The following PTPRM variants were observed in gnomAD, a reference collection of about 807,000 sequenced individuals.
PTPRM encodes protein tyrosine phosphatase receptor type M, also known as receptor-type tyrosine-protein phosphatase mu.
PTPRM carries 47 observed loss-of-function variants against 186.7 expected under a neutral mutation model. The observed-to-expected ratio is 0.25, with a 90% CI of 0.20 to 0.32. PTPRM has a LOEUF of 0.32. PTPRM is among the 10% of genes least tolerant of loss of function. The pLI is 1.00. For missense variants in PTPRM, 1,494 were observed against 1,865.0 expected, an observed-to-expected ratio of 0.80 and a Z score of 3.66; for synonymous variants, 668 against 674.9, an observed-to-expected ratio of 0.99 and a Z score of 0.16.
At chr18:8,237,960 A>AT (rs985848014) in intron 14 of PTPRM, among the ~76,000 whole-genome samples, 12 of 151,696 alleles carry the variant, frequency 7.9e-5, no homozygotes, top group African/African-American at 2.4e-5. Context: ...CCCCCCTTGG[A>AT]TTTTTTTTAA....
At chr18:8,147,340 G>A (rs2092908987) in intron 14 of PTPRM, among the ~76,000 whole-genome samples, 1 of 152,132 alleles carries the variant, frequency 6.6e-6, no homozygotes, top group Non-Finnish European at 1.5e-5. Flanking sequence ...GTGGTTTGTA[G>A]TTATCCTTGA....
chr18:7,998,600 C>T (rs1435408672), intron 7 of PTPRM, among the ~76,000 whole-genome samples: 2 of 151,998 alleles, frequency 1.3e-5, no homozygotes. Flanking sequence ...AAAGAATATT[C>T]ATATAGTGAA....
intron 1 of PTPRM, among the ~76,000 whole-genome samples, chr18:7,691,516 C>T (rs73389595): frequency 0.045 from 6,778 of 152,158 alleles, 531 homozygotes; most frequent in African/African-American, 0.15. Flanking sequence ...GGTGCCTTTT[C>T]TTTCTGGGAT....
intron 6 of PTPRM, among the ~76,000 whole-genome samples, chr18:7,950,584 G>A (rs939879945): frequency 6.6e-6 from 1 of 152,148 alleles, no homozygotes; most frequent in Non-Finnish European, 1.5e-5. Context: ...GTAGATATCA[G>A]ATAATAATGT....
At chr18:8,088,691 T>C (rs1007560543) in intron 10 of PTPRM, 58 bp from the exon 11 acceptor site, 3 of 1,385,668 alleles carry the variant, frequency 2.2e-6, no homozygotes, top group African/African-American at 1.4e-5. Context: ...AAGTGGAAAC[T>C]AAACTGAGAA....
intron 20 of PTPRM, among the ~76,000 whole-genome samples, chr18:8,308,193 G>A (rs1601738679): frequency 6.6e-6 from 1 of 152,170 alleles, no homozygotes; most frequent in East Asian, 1.9e-4. Context: ...AACAGAAGAG[G>A]TTCAGAGAGC....
At chr18:7,603,554 T>A in intron 1 of PTPRM, among the ~76,000 whole-genome samples, 1 of 152,212 alleles carries the variant, frequency 6.6e-6, no homozygotes, top group Non-Finnish European at 1.5e-5. Flanking sequence ...GGTGGGCAGA[T>A]CCTGAGTGAT....
intron 2 of PTPRM, among the ~76,000 whole-genome samples, chr18:7,857,505 A>C (rs949250882): frequency 1.3e-5 from 2 of 152,182 alleles, no homozygotes; most frequent in African/African-American, 4.8e-5. Flanking sequence ...CAAATGCATG[A>C]TGATTTGCTG....
At chr18:8,303,583 C>T (rs2095185553) in intron 20 of PTPRM, among the ~76,000 whole-genome samples, 1 of 152,038 alleles carries the variant, frequency 6.6e-6, no homozygotes, top group South Asian at 2.1e-4. Flanking sequence ...AGCAGATGGA[C>T]ACAATATGTT....
chr18:7,642,625 T>C (rs2038469934), intron 1 of PTPRM, among the ~76,000 whole-genome samples: 1 of 152,160 alleles, frequency 6.6e-6, no homozygotes, highest in South Asian at 2.1e-4. Flanking sequence ...ATTTTCTTTT[T>C]GTTATTCCTC....
chr18:8,344,474 A>ATATATATATATATATCTCTC (rs1318982857), intron 23 of PTPRM, among the ~76,000 whole-genome samples: 1 of 147,292 alleles, frequency 6.8e-6, no homozygotes, highest in African/African-American at 2.6e-5. Flanking sequence ...ATATATATAT[A>ATATATATATATATATCTCTC]TCTAGCAAAA....
At chr18:7,898,506 T>C (rs1026100747) in intron 3 of PTPRM, among the ~76,000 whole-genome samples, 2 of 152,216 alleles carry the variant, frequency 1.3e-5, no homozygotes, top group African/African-American at 4.8e-5. Flanking sequence ...ATCTGAAGGA[T>C]AGCCTGATGT....
chr18:8,354,450 G>A (rs1298820453), intron 23 of PTPRM, among the ~76,000 whole-genome samples: 1 of 152,140 alleles, frequency 6.6e-6, no homozygotes. Flanking sequence ...TCAACAGGAA[G>A]GGGATAGCGA....
intron 19 of PTPRM, among the ~76,000 whole-genome samples, chr18:8,289,591 C>CAT (rs1265855457): frequency 1.4e-4 from 17 of 123,822 alleles, no homozygotes; most frequent in Admixed American, 5.8e-4. Flanking sequence ...TATATATACA[C>CAT]ATATATATAT....
intron 1 of PTPRM, among the ~76,000 whole-genome samples, chr18:7,597,208 A>G (rs1348465759): frequency 1.3e-5 from 2 of 152,068 alleles, no homozygotes; most frequent in Non-Finnish European, 2.9e-5. Flanking sequence ...CTGTGTGCAC[A>G]TGTGTGGTAA....
intron 7 of PTPRM, among the ~76,000 whole-genome samples, chr18:8,015,573 T>G (rs1281974524): frequency 1.5e-5 from 2 of 131,472 alleles, no homozygotes; most frequent in Non-Finnish European, 3.6e-5. Flanking sequence ...TTGACAACCT[T>G]GCTTACTTTG....
At chr18:7,865,424 C>CA (rs1332281484) in intron 2 of PTPRM, among the ~76,000 whole-genome samples, 1 of 152,178 alleles carries the variant, frequency 6.6e-6, no homozygotes, top group African/African-American at 2.4e-5. Flanking sequence ...AAGGCCTTTA[C>CA]TGCATCTATT....
At chr18:8,319,258 C>T in intron 22 of PTPRM, 44 bp downstream of exon 22, 2 of 1,419,258 alleles carry the variant, frequency 1.4e-6, no homozygotes, top group Non-Finnish European at 9.8e-7. Flanking sequence ...TTTCTTTTGC[C>T]CACTTCCTAT....
At chr18:8,084,446 A>G (rs2090326041) in intron 9 of PTPRM, among the ~76,000 whole-genome samples, 1 of 152,160 alleles carries the variant, frequency 6.6e-6, no homozygotes, top group African/African-American at 2.4e-5. Context: ...GAGGATTAAC[A>G]ATAGATACTC....
Sources: gnomAD v4.1 joint callset for allele counts (sites outside exome capture counted in the v4.1 genomes callset) on GRCh38, gnomAD v4.1.1 for gene constraint, MANE v1.5 for transcripts, NCBI Gene and HGNC (gene_info 2026-07-23, HGNC 2026-07-21) for gene names.